OXR1: variants seen among roughly 807,000 people sequenced by gnomAD.
The protein encoded by OXR1 is oxidation resistance 1.
A neutral mutation model predicts 104.6 loss-of-function variants in OXR1; 41 were observed. The ratio of observed to expected loss-of-function variants is 0.39; its 90% CI spans 0.31 to 0.51. The LOEUF is 0.51. Ranked by LOEUF, OXR1 falls within the 20% of genes least tolerant of loss-of-function variation. The pLI is 0.77. For missense variants in OXR1, 955 were observed against 1,031.9 expected (o/e 0.93, Z 1.02); for synonymous variants, 348 against 348.4 (o/e 1.00, Z 0.01).
intron 2 of OXR1, among the ~76,000 whole-genome samples, chr8:106,457,242 G>A (rs1820646587): frequency 6.6e-6 from 1 of 152,100 alleles, no homozygotes; most frequent in African/African-American, 2.4e-5. Flanking sequence ...TCTTGGGATA[G>A]GTTTCTGATA....
At chr8:106,698,085 G>A (rs1459155884) in intron 7 of OXR1, 1 of 966,350 alleles carries the variant, frequency 1.0e-6, no homozygotes, top group Non-Finnish European at 1.6e-6. Context: ...CAAGGCAATG[G>A]CTGCAGCTGC....
intron 1 of OXR1, among the ~76,000 whole-genome samples, chr8:106,274,850 C>G (rs916999272): frequency 3.9e-5 from 6 of 152,218 alleles, no homozygotes; most frequent in Non-Finnish European, 7.3e-5. Flanking sequence ...GAAAAGATGA[C>G]TTCAGTGTAA....
At chr8:106,425,897 G>T (rs1345725451) in intron 2 of OXR1, among the ~76,000 whole-genome samples, 1 of 152,236 alleles carries the variant, frequency 6.6e-6, no homozygotes, top group East Asian at 1.9e-4. Flanking sequence ...GGTTGTCTCC[G>T]ATGAGAGAGG....
At chr8:106,501,202 C>T (rs1811785307) in intron 2 of OXR1, among the ~76,000 whole-genome samples, 1 of 152,152 alleles carries the variant, frequency 6.6e-6, no homozygotes, top group African/African-American at 2.4e-5. Flanking sequence ...AGGTTCACTG[C>T]AGCCTCAAAC....
chr8:106,728,031 T>C (rs551511552), intron 11 of OXR1, among the ~76,000 whole-genome samples: 3 of 152,204 alleles, frequency 2.0e-5, no homozygotes, highest in East Asian at 1.9e-4. Flanking sequence ...TTTTGTTGTG[T>C]AGACAAGCTG....
intron 3 of OXR1, among the ~76,000 whole-genome samples, chr8:106,534,387 C>T (rs1814324101): frequency 6.6e-6 from 1 of 152,160 alleles, no homozygotes. Context: ...GTCCTTAACA[C>T]CTGTAAGAAA....
chr8:106,648,259 G>T (rs1001071905), intron 3 of OXR1, among the ~76,000 whole-genome samples: 1 of 152,124 alleles, frequency 6.6e-6, no homozygotes. Context: ...TAGGAGCTGG[G>T]GCAGGAATAA....
chr8:106,692,802 T>C lies in OXR1; in HGVS notation c.600T>C (p.Ser200=). The stretch of plus-strand genomic sequence containing the variant: ...GTATTCGACCTGCACGAGTTGTATC[T>C]TCAACTTCTGAGGAGGAGGAAGCAT... ...FTGIRPARVV[S]STSEEEEAFT... Residue 200 remains serine (S), a synonymous_variant, in exon 7 of 17, where the codon TCT becomes TCC. Coordinates refer to ENST00000517566, the MANE Select transcript of OXR1 (RefSeq NM_001198533.2). The C allele has an allele frequency of 1.9e-6, 3 of 1,606,798 alleles. No individual in the cohort carries two copies. The highest frequency in any genetic ancestry group is 2.6e-6 in the Non-Finnish European group (3 of 1,174,568).
At chr8:106,427,784 G>A (rs758441778) in intron 2 of OXR1, among the ~76,000 whole-genome samples, 22 of 152,200 alleles carry the variant, frequency 1.4e-4, no homozygotes, top group Non-Finnish European at 2.8e-4. Flanking sequence ...ATCAATATGT[G>A]ATATCTCAAT....
rs540566658 is a variant in OXR1 at position 106,616,956 on chromosome 8, A to G, written c.221-62254A>G. 4.7e-4 allele frequency among the ~76,000 whole-genome samples: 72 copies of G among 152,334 alleles called. No homozygotes were observed. In the Middle Eastern group the frequency reaches 0.01, roughly 22 times the overall value. On this transcript the variant is annotated intron_variant, in intron 3 of 16. Coordinates refer to ENST00000517566, the MANE Select transcript of OXR1 (RefSeq NM_001198533.2). ...TAAAATATGATGTTACAGTATGTAT[A>G]TATCTCAGTGAGTTGCTGTTGAAGG...
chr8:106,365,194 C>A (rs1816417318), intron 2 of OXR1, among the ~76,000 whole-genome samples: 1 of 151,222 alleles, frequency 6.6e-6, no homozygotes, highest in African/African-American at 2.4e-5. Context: ...TAAAAGGAGA[C>A]CTCTGTGTGA....
At chr8:106,319,357 A>G (rs1344268319) in intron 1 of OXR1, among the ~76,000 whole-genome samples, 1 of 152,224 alleles carries the variant, frequency 6.6e-6, no homozygotes, top group Non-Finnish European at 1.5e-5. Flanking sequence ...ATCACATTCC[A>G]CTAAAGGCAG....
chr8:106,600,990 G>T (rs949141424), intron 3 of OXR1, among the ~76,000 whole-genome samples: 1 of 152,142 alleles, frequency 6.6e-6, no homozygotes, highest in Admixed American at 6.5e-5. Context: ...TTCTCTGAAG[G>T]AAATAGAGGC....
Position 106,315,140 on chromosome 8 carries a change from A to T in OXR1, c.-138-44336A>T, listed in dbSNP as rs564083876. On this transcript the variant is annotated intron_variant, in intron 1 of 16. Coordinates refer to ENST00000517566, the MANE Select transcript of OXR1 (RefSeq NM_001198533.2). Reference sequence around the variant, plus strand: ...GTTTCCATTTCTCCACTTACTAGATATCCTATTATTAGTATATTTTGCTCA... The same window carrying T: ...GTTTCCATTTCTCCACTTACTAGATTTCCTATTATTAGTATATTTTGCTCA... Among the ~76,000 whole-genome samples the T allele has an allele frequency of 2.0e-5, 3 of 151,998 alleles. No homozygotes were observed. The South Asian group carries it at 6.2e-4, about 32-fold the overall frequency.
intron 2 of OXR1, among the ~76,000 whole-genome samples, chr8:106,493,605 C>T (rs774745033): frequency 4.7e-5 from 7 of 149,390 alleles, no homozygotes; most frequent in East Asian, 2.0e-4. Context: ...GAAAAAAATA[C>T]GTTTTTGCTC....
intron 1 of OXR1, among the ~76,000 whole-genome samples, chr8:106,273,102 T>C (rs930937037): frequency 6.6e-6 from 1 of 152,122 alleles, no homozygotes; most frequent in African/African-American, 2.4e-5. Context: ...ATACAAAGGA[T>C]TGTACCCTTG....
intron 11 of OXR1, among the ~76,000 whole-genome samples, chr8:106,734,269 CTG>C (rs1037770071): frequency 2.6e-5 from 4 of 152,124 alleles, no homozygotes; most frequent in African/African-American, 4.8e-5. Flanking sequence ...GTAATAAAGA[CTG>C]TTAATATATG....
At chr8:106,396,074 AATAC>A (rs77731302) in intron 2 of OXR1, among the ~76,000 whole-genome samples, 3,708 of 151,766 alleles carry the variant, frequency 0.024, 58 homozygotes, top group South Asian at 0.073. Flanking sequence ...TACTTATATA[AATAC>A]ATACATACAT....
intron 2 of OXR1, among the ~76,000 whole-genome samples, chr8:106,440,777 A>G (rs977547257): frequency 3.3e-5 from 5 of 152,250 alleles, no homozygotes; most frequent in African/African-American, 9.6e-5. Context: ...TTAGTCTTTG[A>G]AAACATACTG....
Sources: allele counts gnomAD v4.1 joint callset (sites outside exome capture counted in the v4.1 genomes callset), GRCh38; gene constraint gnomAD v4.1.1; transcripts MANE v1.5; gene names NCBI Gene and HGNC (gene_info 2026-07-23, HGNC 2026-07-21).